The following DCTN5 variants were observed in gnomAD, a reference collection of about 807,000 sequenced individuals.
The protein encoded by DCTN5 is dynactin subunit 5.
Under a neutral mutation model 23.5 loss-of-function variants are expected in DCTN5, and 14 were observed. The observed-to-expected ratio is 0.60, with a 90% CI of 0.39 to 0.93. The LOEUF is 0.93. Among genes scored for constraint, DCTN5 ranks in the 40% least tolerant of loss-of-function variants. The pLI, the probability that DCTN5 is intolerant of heterozygous loss-of-function variation, is 0.00. For synonymous variants in DCTN5, 67 were observed against 79.6 expected, an observed-to-expected ratio of 0.84 and a Z score of 0.84; for missense variants, 156 against 225.9, an observed-to-expected ratio of 0.69 and a Z score of 1.98.
chr16:23,649,849 A>G (rs1967560628), intron 2 of DCTN5, among the ~76,000 whole-genome samples: 1 of 151,938 alleles, frequency 6.6e-6, no homozygotes, highest in Non-Finnish European at 1.5e-5. Context: ...AAAAAAAAAA[A>G]AAAAAAAAAG....
rs1453275452 is a variant in DCTN5 at position 23,645,112 on chromosome 16, TATATATATATATATATATATATA to T, written c.117+2090_117+2112del. ...ATATATATATATATATATATATATA[TATATATATATATATATATATATA>T]TATTTTTTTTTTTTTTAATACGCAG... On this transcript the variant is annotated intron_variant, in intron 2 of 5. Transcript: ENST00000300087. Among the ~76,000 whole-genome samples the T allele has an allele frequency of 6.2e-3, 247 of 39,830 alleles. 10 individuals are homozygous for T. The highest frequency in any genetic ancestry group is 7.3e-3 in the Non-Finnish European group (157 of 21,394). 26.1% of individuals were successfully genotyped at this position (39,830 alleles called of 152,430 possible).
intron 2 of DCTN5, among the ~76,000 whole-genome samples, chr16:23,654,240 C>T (rs1244455597): frequency 1.3e-5 from 2 of 152,174 alleles, no homozygotes; most frequent in Admixed American, 1.3e-4. Flanking sequence ...TTCATTGCAA[C>T]ACTGTTCACA....
chr16:23,654,165 C>T (rs770235441), intron 2 of DCTN5, among the ~76,000 whole-genome samples: 1 of 152,128 alleles, frequency 6.6e-6, no homozygotes, highest in Non-Finnish European at 1.5e-5. Context: ...CCAGCAATCC[C>T]ATTACTGGAT....
intron 2 of DCTN5, among the ~76,000 whole-genome samples, chr16:23,644,513 G>A (rs372854336): frequency 2.8e-4 from 42 of 151,798 alleles, no homozygotes; most frequent in African/African-American, 9.6e-4. Context: ...TGTTAGCCAG[G>A]ATGGTCTCAA....
At chr16:23,645,145 T>A (rs1597111952) in intron 2 of DCTN5, among the ~76,000 whole-genome samples, 1 of 101,098 alleles carries the variant, frequency 9.9e-6, no homozygotes, top group Non-Finnish European at 1.9e-5. Context: ...ATATTTTTTT[T>A]TTTTTTAATA....
chr16:23,665,567 A>G, intron 4 of DCTN5, 59 bp from the exon 5 acceptor site: 5 of 1,492,980 alleles, frequency 3.3e-6, no homozygotes, highest in East Asian at 2.3e-5. Flanking sequence ...GGGAAAATAG[A>G]AAGGAGCCTT....
chr16:23,662,328 C>T (rs1027476394), intron 4 of DCTN5, among the ~76,000 whole-genome samples: 23 of 152,232 alleles, frequency 1.5e-4, no homozygotes, highest in African/African-American at 5.3e-4. Flanking sequence ...CAAGCGGGCC[C>T]CTTGCTCAGC....
chr16:23,661,260 T>C lies in DCTN5; in HGVS notation c.327T>C (p.His109=), dbSNP rs961201374. 4 of 1,612,178 alleles carry C rather than the reference T, an allele frequency of 2.5e-6. No homozygotes were observed. In the African/African-American group the frequency reaches 4.0e-5, roughly 16 times the overall value. ...VNAAQIGSYV[H]VGKNCVIGRR... ...CAGCACAGATTGGTTCCTATGTTCA[T>C]GTTGGGAAGAACTGTGTGATTGTGA... Residue 109 remains histidine, a synonymous_variant, in exon 4 of 6, where the codon CAT becomes CAC. Coordinates refer to ENST00000300087, the MANE Select transcript of DCTN5 (RefSeq NM_032486.4).
chr16:23,646,199 C>T (rs1324470740), intron 2 of DCTN5, among the ~76,000 whole-genome samples: 1 of 152,054 alleles, frequency 6.6e-6, no homozygotes, highest in East Asian at 1.9e-4. Flanking sequence ...TATTGAACAT[C>T]TTTGAATGTT....
At chr16:23,644,427 A>G (rs1041178020) in intron 2 of DCTN5, among the ~76,000 whole-genome samples, 2 of 150,128 alleles carry the variant, frequency 1.3e-5, no homozygotes, top group Non-Finnish European at 2.9e-5. Context: ...CAGCCTCCTG[A>G]GTAGCTAGGA....
At chr16:23,666,883 A>C in intron 5 of DCTN5, 164 bp from the exon 6 acceptor site, 1 of 1,112,876 alleles carries the variant, frequency 9.0e-7, no homozygotes, top group Admixed American at 2.8e-5. Flanking sequence ...GCTGTGAAAA[A>C]GTTTAGCTGT....
chr16:23,643,316 C>A (rs1375750306), intron 2 of DCTN5, among the ~76,000 whole-genome samples: 1 of 151,634 alleles, frequency 6.6e-6, no homozygotes, highest in Non-Finnish European at 1.5e-5. Flanking sequence ...CTCAGCCTCC[C>A]GAGTAGCTGG....
chr16:23,670,783 G>A lies in DCTN5; in HGVS notation c.*3639G>A, dbSNP rs1967992413. On this transcript the variant is annotated 3_prime_UTR_variant, in exon 6 of 6. Coordinates refer to ENST00000300087, the MANE Select transcript of DCTN5 (RefSeq NM_032486.4). ...GTACATGATAACTGAAACACTTCTA[G>A]AGCCCCCCAGCAATGGGCTTGTGCT... The A allele has an allele frequency of 6.6e-6, 1 of 150,398 alleles. No individual in the cohort carries two copies. Among genetic ancestry groups the A allele is most frequent in the African/African-American group, 2.5e-5 (1 of 39,988 alleles). The allele number at this position is 150,398 out of a possible 1,614,324, so 9.3% of individuals were successfully genotyped here.
intron 2 of DCTN5, among the ~76,000 whole-genome samples, chr16:23,643,998 T>C (rs1164149899): frequency 6.6e-6 from 1 of 152,058 alleles, no homozygotes; most frequent in Non-Finnish European, 1.5e-5. Flanking sequence ...AGGAAAATAG[T>C]CTCCTTATAA....
At chr16:23,659,798 G>C (rs1448929089) in intron 3 of DCTN5, among the ~76,000 whole-genome samples, 3 of 152,136 alleles carry the variant, frequency 2.0e-5, no homozygotes, top group Non-Finnish European at 2.9e-5. Context: ...AGCTTTGAAG[G>C]CTACTAGGGG....
intron 1 of DCTN5, among the ~76,000 whole-genome samples, chr16:23,642,139 G>C (rs703771): frequency 6.6e-6 from 1 of 152,000 alleles, no homozygotes; most frequent in South Asian, 2.1e-4. Flanking sequence ...CACCGTGTTG[G>C]CCAGGCAGGT....
At position 23,645,120 on chromosome 16, in the gene DCTN5, TATATATATATATATA is replaced by T. The variant is rs1279555132; in HGVS notation, c.117+2098_117+2112del. On this transcript the variant is annotated intron_variant, in intron 2 of 5. Coordinates refer to ENST00000300087, the MANE Select transcript of DCTN5 (RefSeq NM_032486.4). ...ATATATATATATATATATATATATATATATATATATATATATATTTTTTTTTTTTTTAATACGCAG... is the reference window on the plus strand; with the variant it reads ...ATATATATATATATATATATATATATTATTTTTTTTTTTTTTAATACGCAG... 3.7e-3 allele frequency among the ~76,000 whole-genome samples: 160 copies of T among 43,010 alleles called. 8 individuals are homozygous for T. The highest frequency in any genetic ancestry group is 0.011 in the African/African-American group (120 of 10,550). 28.2% of individuals were successfully genotyped at this position (43,010 alleles called of 152,430 possible).
chr16:23,668,793 G>C lies in DCTN5; in HGVS notation c.*1649G>C, dbSNP rs974500783. The C allele has an allele frequency of 1.3e-5, 2 of 152,126 alleles. No individual in the cohort carries two copies. Among genetic ancestry groups the C allele is most frequent in the African/African-American group, 4.8e-5 (2 of 41,410 alleles). 9.4% of individuals were successfully genotyped at this position (152,126 alleles called of 1,614,324 possible). A position where few individuals can be genotyped will look rare whatever the true frequency, so the allele number is the denominator to read the frequency against. On this transcript the variant is annotated 3_prime_UTR_variant, in exon 6 of 6. Coordinates refer to ENST00000300087, the MANE Select transcript of DCTN5 (RefSeq NM_032486.4). ...AGACCTGCATCCTCCTAGCTTGGGG[G>C]CTCTGAATGAAAGGTTTCTTCCCTT... is the stretch of plus-strand genomic sequence containing the variant.
rs1463265340 is a variant in DCTN5 at position 23,643,038 on chromosome 16, C to T, written c.117+15C>T. 1 of 1,612,728 alleles carries T rather than the reference C, an allele frequency of 6.2e-7. No homozygotes were observed. The highest frequency in any genetic ancestry group is 8.5e-7 in the Non-Finnish European group (1 of 1,178,718). ...TCAATGGCAAGGTAAGGGACAAAGC[C>T]AGCTCCAGGCTGCAAACCTTAGCTT... On this transcript the variant is annotated intron_variant, in intron 2 of 5. Transcript: ENST00000300087.
Sources: allele counts gnomAD v4.1 joint callset (sites outside exome capture counted in the v4.1 genomes callset), GRCh38; gene constraint gnomAD v4.1.1; transcripts MANE v1.5; gene names NCBI Gene and HGNC (gene_info 2026-07-23, HGNC 2026-07-21).